SLC44A5: variants seen among roughly 807,000 people sequenced by gnomAD.
The protein encoded by SLC44A5 is choline transporter-like protein 5.
A neutral mutation model predicts 101.8 loss-of-function variants in SLC44A5; 57 were observed. The ratio of observed to expected loss-of-function variants is 0.56; its 90% CI spans 0.45 to 0.70. The LOEUF (loss-of-function observed/expected upper bound fraction) is 0.70, where lower values mean the gene tolerates loss of function less well. Among genes scored for constraint, SLC44A5 ranks in the 30% least tolerant of loss-of-function variants. The pLI is 0.00. For missense variants in SLC44A5, 737 were observed against 853.1 expected (o/e 0.86, Z 1.70); for synonymous variants, 281 against 290.9 (o/e 0.97, Z 0.35).
At chr1:75,374,794 A>G (rs1175003089) in intron 3 of SLC44A5, among the ~76,000 whole-genome samples, 1 of 152,200 alleles carries the variant, frequency 6.6e-6, no homozygotes, top group Admixed American at 6.5e-5. Flanking sequence ...GCACATAGAA[A>G]TGAAGCCAGT....
At chr1:75,419,576 A>G (rs1450723293) in intron 2 of SLC44A5, among the ~76,000 whole-genome samples, 1 of 152,122 alleles carries the variant, frequency 6.6e-6, no homozygotes, top group African/African-American at 2.4e-5. Context: ...AAAGTGAGAG[A>G]ATTCATTATC....
chr1:75,263,999 A>G (rs890199367), intron 6 of SLC44A5, among the ~76,000 whole-genome samples: 1 of 151,984 alleles, frequency 6.6e-6, no homozygotes, highest in African/African-American at 2.4e-5. Flanking sequence ...GGCTTAGGGG[A>G]GGGATAGCAT....
the SLC44A5 span, among the ~76,000 whole-genome samples, chr1:75,627,151 C>T: frequency 6.6e-6 from 1 of 152,164 alleles, no homozygotes; most frequent in African/African-American, 2.4e-5. Context: ...CGTAACATGT[C>T]GGTTATACCT....
the SLC44A5 span, among the ~76,000 whole-genome samples, chr1:75,708,141 G>A: frequency 7.2e-5 from 11 of 151,836 alleles, no homozygotes; most frequent in South Asian, 1.2e-3. Context: ...AGCTGGGTGC[G>A]GTGGCTCACA....
At chr1:75,464,945 C>G (rs1021280083) in intron 2 of SLC44A5, among the ~76,000 whole-genome samples, 3 of 142,956 alleles carry the variant, frequency 2.1e-5, no homozygotes, top group African/African-American at 7.6e-5. Context: ...TAGCTGGAAA[C>G]TTTAACACCT....
At chr1:75,710,039 T>G in the SLC44A5 span, 1 of 151,964 alleles carries the variant, frequency 6.6e-6, no homozygotes, top group Non-Finnish European at 1.5e-5. Context: ...TTCTAGAAAA[T>G]GCAAATTCAT....
chr1:75,463,870 A>T (rs1666655205), intron 2 of SLC44A5, among the ~76,000 whole-genome samples: 1 of 148,164 alleles, frequency 6.7e-6, no homozygotes, highest in Admixed American at 6.8e-5. Context: ...AGAAAGCCTA[A>T]ACAATGAACC....
At position 75,218,005 on chromosome 1, in the gene SLC44A5, AT is replaced by A. The variant is rs773568663; in HGVS notation, c.1530-46del. ...GAATAAGTTAAAACTTAATACTATT[AT>A]TTAAGGGGATGCTAATTGAATAATT... On this transcript the variant is annotated intron_variant, in intron 17 of 23. Coordinates refer to ENST00000370859, the MANE Select transcript of SLC44A5 (RefSeq NM_001130058.2). 12 of 1,207,576 alleles carry A rather than the reference AT, an allele frequency of 9.9e-6. No individual in the cohort carries two copies. The South Asian group carries it at 1.4e-4, about 14-fold the overall frequency. The allele number at this position is 1,207,576 out of a possible 1,614,324, so 74.8% of individuals were successfully genotyped here. A position where few individuals can be genotyped will look rare whatever the true frequency, so the allele number is the denominator to read the frequency against.
chr1:75,651,884 C>T, the SLC44A5 span, among the ~76,000 whole-genome samples: 2 of 151,916 alleles, frequency 1.3e-5, no homozygotes, highest in South Asian at 4.2e-4. Context: ...AGGTTGTGAT[C>T]GGGCAGTTGT....
intron 1 of SLC44A5, among the ~76,000 whole-genome samples, chr1:75,547,888 ACC>A (rs1407386749): frequency 2.6e-5 from 4 of 152,178 alleles, no homozygotes; most frequent in African/African-American, 9.6e-5. Flanking sequence ...TGTAAAAGAA[ACC>A]CATTTTTCTT....
chr1:75,584,058 A>T (rs1185121260), intron 1 of SLC44A5, among the ~76,000 whole-genome samples: 6 of 152,228 alleles, frequency 3.9e-5, no homozygotes, highest in African/African-American at 1.4e-4. Flanking sequence ...ATAGATTCAA[A>T]GTGGCTTTTT....
chr1:75,723,440 T>A, the SLC44A5 span, among the ~76,000 whole-genome samples: 1 of 152,076 alleles, frequency 6.6e-6, no homozygotes, highest in Non-Finnish European at 1.5e-5. Flanking sequence ...CTTGGGTGAA[T>A]GGTGGCAGGA....
chr1:75,274,056 G>C (rs890659915), intron 6 of SLC44A5, among the ~76,000 whole-genome samples: 7 of 152,020 alleles, frequency 4.6e-5, no homozygotes, highest in African/African-American at 1.7e-4. Context: ...CTTAAAATCT[G>C]TATATCTCTT....
At chr1:75,625,074 G>A in the SLC44A5 span, among the ~76,000 whole-genome samples, 7 of 151,884 alleles carry the variant, frequency 4.6e-5, no homozygotes, top group Non-Finnish European at 4.4e-5. Flanking sequence ...CCACTGAGTC[G>A]CACTGTGAGT....
intron 2 of SLC44A5, among the ~76,000 whole-genome samples, chr1:75,479,213 G>T (rs1306082550): frequency 3.3e-5 from 5 of 152,158 alleles, no homozygotes; most frequent in Non-Finnish European, 5.9e-5. Context: ...TGAGAACAAA[G>T]ACACAACATA....
At chr1:75,483,727 T>G (rs1413698880) in intron 2 of SLC44A5, among the ~76,000 whole-genome samples, 1 of 152,242 alleles carries the variant, frequency 6.6e-6, no homozygotes, top group Non-Finnish European at 1.5e-5. Flanking sequence ...ATTTTCTGTG[T>G]TAGTCCATTT....
the SLC44A5 span, among the ~76,000 whole-genome samples, chr1:75,651,860 G>A: frequency 5.9e-5 from 9 of 152,004 alleles, no homozygotes; most frequent in Non-Finnish European, 8.8e-5. Context: ...CACGTGGAAC[G>A]TCAGGCGACC....
At chr1:75,648,357 T>C in the SLC44A5 span, among the ~76,000 whole-genome samples, 1 of 152,154 alleles carries the variant, frequency 6.6e-6, no homozygotes, top group Non-Finnish European at 1.5e-5. Context: ...TTTTGGACAG[T>C]TCTTAATAGC....
intron 2 of SLC44A5, among the ~76,000 whole-genome samples, chr1:75,422,516 T>G (rs1274418183): frequency 6.6e-6 from 1 of 152,200 alleles, no homozygotes; most frequent in Non-Finnish European, 1.5e-5. Context: ...TTTAGTTTAT[T>G]TAGTTTAGGT....
Sources: gnomAD v4.1 joint callset for allele counts (sites outside exome capture counted in the v4.1 genomes callset) on GRCh38, gnomAD v4.1.1 for gene constraint, MANE v1.5 for transcripts, NCBI Gene and HGNC (gene_info 2026-07-23, HGNC 2026-07-21) for gene names.